CADM1: variants seen among roughly 807,000 people sequenced by gnomAD.
CADM1 encodes the protein TSLC-1.
Under a neutral mutation model 53.1 loss-of-function variants are expected in CADM1, and 15 were observed. The ratio of observed to expected loss-of-function variants is 0.28; its 90% confidence interval spans 0.19 to 0.44. The LOEUF is 0.44. Ranked by LOEUF, CADM1 falls within the 20% of genes least tolerant of loss-of-function variation. The probability of loss-of-function intolerance (pLI) is 1.00; values close to 1 mark genes in which losing one functional copy is unlikely to be tolerated. For synonymous variants in CADM1, 281 were observed against 243.0 expected (o/e 1.16, Z -1.45); for missense variants, 434 against 611.3 (o/e 0.71, Z 3.06).
chr11:115,194,813 G>A (rs1235898085), intron 9 of CADM1, among the ~76,000 whole-genome samples: 3 of 152,166 alleles, frequency 2.0e-5, no homozygotes, highest in African/African-American at 7.2e-5. Context: ...AGGAGGGTGG[G>A]GAAGGGGAGA....
chr11:115,449,506 CTG>C (rs1278814444), intron 1 of CADM1, among the ~76,000 whole-genome samples: 2 of 152,162 alleles, frequency 1.3e-5, no homozygotes, highest in Admixed American at 6.5e-5. Context: ...TCCTGTAAAA[CTG>C]TGTTTTCCCC....
chr11:115,211,242 G>A (rs751321713), intron 7 of CADM1, among the ~76,000 whole-genome samples: 10 of 152,030 alleles, frequency 6.6e-5, no homozygotes, highest in Non-Finnish European at 1.2e-4. Context: ...CTACACACCT[G>A]CTGCAGGTGT....
intron 5 of CADM1, among the ~76,000 whole-genome samples, chr11:115,227,621 G>A (rs182921790): frequency 4.6e-5 from 7 of 152,092 alleles, no homozygotes; most frequent in South Asian, 4.2e-4. Flanking sequence ...GATCATTTCC[G>A]TTTTCCCATT....
intron 1 of CADM1, among the ~76,000 whole-genome samples, chr11:115,374,425 G>A (rs1946387155): frequency 6.6e-6 from 1 of 152,146 alleles, no homozygotes; most frequent in Non-Finnish European, 1.5e-5. Flanking sequence ...TAAAGAATCA[G>A]TCATTTGTCT....
At chr11:115,266,961 C>T (rs1337302451) in intron 1 of CADM1, among the ~76,000 whole-genome samples, 2 of 152,192 alleles carry the variant, frequency 1.3e-5, no homozygotes, top group Non-Finnish European at 2.9e-5. Flanking sequence ...AGTTACTCTG[C>T]GATTATGGGT....
chr11:115,486,773 C>T (rs1394608386), intron 1 of CADM1, among the ~76,000 whole-genome samples: 5 of 152,192 alleles, frequency 3.3e-5, no homozygotes, highest in Non-Finnish European at 7.3e-5. Context: ...CATGGTTCTC[C>T]TCAACATGGA....
At chr11:115,189,868 A>G (rs966557632) in intron 10 of CADM1, among the ~76,000 whole-genome samples, 1 of 152,252 alleles carries the variant, frequency 6.6e-6, no homozygotes, top group Non-Finnish European at 1.5e-5. Context: ...ACATAACAGC[A>G]AAGTGAAGAT....
At chr11:115,318,560 A>G (rs1944737189) in intron 1 of CADM1, among the ~76,000 whole-genome samples, 1 of 152,204 alleles carries the variant, frequency 6.6e-6, no homozygotes, top group Non-Finnish European at 1.5e-5. Flanking sequence ...TAAGCTTTTA[A>G]TACTTCAATC....
chr11:115,439,875 A>G (rs542401682), intron 1 of CADM1, among the ~76,000 whole-genome samples: 2 of 152,310 alleles, frequency 1.3e-5, no homozygotes, highest in East Asian at 3.9e-4. Flanking sequence ...AAAGTAAATC[A>G]GACTTTTAAT....
At chr11:115,252,189 C>T (rs903625426) in intron 1 of CADM1, among the ~76,000 whole-genome samples, 1 of 152,152 alleles carries the variant, frequency 6.6e-6, no homozygotes, top group Non-Finnish European at 1.5e-5. Context: ...CTCTGAAATT[C>T]TGAATGTTTC....
chr11:115,324,044 A>G (rs981136423), intron 1 of CADM1, among the ~76,000 whole-genome samples: 1 of 152,168 alleles, frequency 6.6e-6, no homozygotes, highest in Non-Finnish European at 1.5e-5. Context: ...GGGAAAAAGA[A>G]AGAGCCACAG....
chr11:115,317,631 T>C (rs559644275), intron 1 of CADM1, among the ~76,000 whole-genome samples: 1 of 152,272 alleles, frequency 6.6e-6, no homozygotes, highest in East Asian at 1.9e-4. Context: ...GCAAAGGATA[T>C]TTACATCCAT....
rs1388526243 is a variant in CADM1, at chr11:115,176,607, G to A, written c.1298-15C>T. The stretch of plus-strand genomic sequence containing the variant: ...GAAGTATGTACCTGAAAGATGAAGG[G>A]GTAAAGCACCGTGACTGTCTGATGG... On this transcript the variant is annotated splice_polypyrimidine_tract_variant and intron_variant, in intron 11 of 11. Coordinates refer to ENST00000331581, the MANE Select transcript of CADM1 (RefSeq NM_001301043.2). The A allele has an allele frequency of 6.2e-7, 1 of 1,607,682 alleles. No homozygotes were observed. The highest frequency in any genetic ancestry group is 8.5e-7 in the Non-Finnish European group (1 of 1,174,174).
chr11:115,443,465 G>A (rs1948373170), intron 1 of CADM1, among the ~76,000 whole-genome samples: 1 of 152,124 alleles, frequency 6.6e-6, no homozygotes, highest in African/African-American at 2.4e-5. Context: ...TCACAGCATT[G>A]CCTCTCTCTG....
At chr11:115,405,949 G>A (rs571292928) in intron 1 of CADM1, among the ~76,000 whole-genome samples, 1 of 152,290 alleles carries the variant, frequency 6.6e-6, no homozygotes, top group South Asian at 2.1e-4. Flanking sequence ...ATAGTGTTAA[G>A]ATGTGACAAA....
At chr11:115,378,944 G>C (rs530278893) in intron 1 of CADM1, among the ~76,000 whole-genome samples, 38 of 152,180 alleles carry the variant, frequency 2.5e-4, no homozygotes, top group Non-Finnish European at 4.7e-4. Context: ...CATTACGTGA[G>C]CTAGCCCCAT....
chr11:115,251,997 G>C (rs1942620754), intron 1 of CADM1, among the ~76,000 whole-genome samples: 1 of 152,150 alleles, frequency 6.6e-6, no homozygotes, highest in Non-Finnish European at 1.5e-5. Context: ...AACTTGATTA[G>C]TATCATCTAA....
At chr11:115,410,277 T>C (rs867452164) in intron 1 of CADM1, among the ~76,000 whole-genome samples, 13 of 152,260 alleles carry the variant, frequency 8.5e-5, no homozygotes, top group Non-Finnish European at 1.2e-4. Context: ...CGATAACATC[T>C]ATGTCCTGGA....
intron 4 of CADM1, among the ~76,000 whole-genome samples, chr11:115,230,824 T>C (rs1399698724): frequency 1.3e-5 from 2 of 152,206 alleles, no homozygotes; most frequent in African/African-American, 4.8e-5. Context: ...AAACTGTTAG[T>C]CCACTTAGTG....
Sources: allele counts gnomAD v4.1 joint callset (sites outside exome capture counted in the v4.1 genomes callset), GRCh38; gene constraint gnomAD v4.1.1; transcripts MANE v1.5; gene names NCBI Gene and HGNC (gene_info 2026-07-23, HGNC 2026-07-21).